The following NFATC3 variants were observed in gnomAD, a reference collection of about 807,000 sequenced individuals.
NFATC3 encodes the protein nuclear factor of activated T cells 3.
Under a neutral mutation model 98.6 loss-of-function variants are expected in NFATC3, and 46 were observed. That is an observed-to-expected ratio of 0.47 (90% CI 0.37 to 0.60). NFATC3 has a LOEUF of 0.60. Ranked by LOEUF, NFATC3 falls within the 20% of genes least tolerant of loss-of-function variation. The pLI, the probability that NFATC3 is intolerant of heterozygous loss-of-function variation, is 0.00. For synonymous variants in NFATC3, 512 were observed against 472.2 expected (o/e 1.08, Z -1.09); for missense variants, 1,256 against 1,295.5 (o/e 0.97, Z 0.47).
At chr16:68,152,663 A>G (rs1169122202) in intron 3 of NFATC3, among the ~76,000 whole-genome samples, 2 of 152,166 alleles carry the variant, frequency 1.3e-5, no homozygotes, top group East Asian at 3.8e-4. Flanking sequence ...CTACAGGTGC[A>G]TGCCTTCACG....
At chr16:68,196,180 C>T (rs1435718045) in intron 9 of NFATC3, among the ~76,000 whole-genome samples, 4 of 151,958 alleles carry the variant, frequency 2.6e-5, no homozygotes, top group East Asian at 3.9e-4. Flanking sequence ...AGTGCAGTGG[C>T]GCAATCACAG....
chr16:68,222,891 C>A lies in NFATC3; in HGVS notation c.3107-3459C>A, dbSNP rs2041919981. ...GCCATCCTTGTGCTCCCTCTTAGCA[C>A]AAGACTAGCTCGTAGAACCCCCAGA... On this transcript the variant is annotated intron_variant, in intron 9 of 9. Transcript: ENST00000346183. 2.0e-5 allele frequency among the ~76,000 whole-genome samples: 3 copies of A among 152,288 alleles called. No homozygotes were observed. In the South Asian group the frequency reaches 6.2e-4, roughly 32 times the overall value.
At chr16:68,121,733 A>T (rs1467791654) in intron 1 of NFATC3, among the ~76,000 whole-genome samples, 1 of 152,082 alleles carries the variant, frequency 6.6e-6, no homozygotes, top group Non-Finnish European at 1.5e-5. Flanking sequence ...TTTTTAGAAA[A>T]TGTGGACATA....
At chr16:68,146,472 G>T (rs957514464) in intron 3 of NFATC3, among the ~76,000 whole-genome samples, 34 of 151,924 alleles carry the variant, frequency 2.2e-4, no homozygotes, top group African/African-American at 8.0e-4. Context: ...TTTTATTAAG[G>T]TATACATATT....
intron 9 of NFATC3, chr16:68,209,788 C>G (rs1259003482): frequency 1.2e-5 from 5 of 427,196 alleles, no homozygotes; most frequent in Non-Finnish European, 1.8e-5. Context: ...TGAAGTACTT[C>G]AAATGCAAGA....
intron 1 of NFATC3, among the ~76,000 whole-genome samples, chr16:68,087,481 C>G (rs934631156): frequency 6.6e-6 from 1 of 152,134 alleles, no homozygotes; most frequent in Non-Finnish European, 1.5e-5. Flanking sequence ...AGGTAAACAT[C>G]AGCAGTTTTA....
Position 68,146,922 on chromosome 16 carries a change from A to G in NFATC3, c.1402-10947A>G, listed in dbSNP as rs193099474. On this transcript the variant is annotated intron_variant, in intron 3 of 9. Transcript: ENST00000346183. ...TAGTAATTTATTTATTGCCTACAAC[A>G]TAAATGCTTCTCTGGAAATCAGATG... 4.6e-5 allele frequency among the ~76,000 whole-genome samples: 7 copies of G among 152,400 alleles called. No individual in the cohort carries two copies. The East Asian group carries it at 1.3e-3, about 29-fold the overall frequency.
intron 1 of NFATC3, among the ~76,000 whole-genome samples, chr16:68,090,423 A>T: frequency 6.6e-6 from 1 of 151,878 alleles, no homozygotes; most frequent in East Asian, 1.9e-4. Flanking sequence ...ACATTGAGAG[A>T]TAGTAGGGCA....
intron 6 of NFATC3, 82 bp from the exon 7 acceptor site, chr16:68,181,393 G>A (rs2039944082): frequency 1.1e-6 from 1 of 914,048 alleles, no homozygotes; most frequent in East Asian, 2.5e-5. Context: ...TAATAAATTT[G>A]TGATACTATC....
chr16:68,132,650 T>C (rs552970419), intron 3 of NFATC3, among the ~76,000 whole-genome samples: 1 of 152,160 alleles, frequency 6.6e-6, no homozygotes, highest in South Asian at 2.1e-4. Flanking sequence ...ATAAAGAAAA[T>C]GTGACATATA....
intron 9 of NFATC3, among the ~76,000 whole-genome samples, chr16:68,222,289 C>CCA (rs1372339245): frequency 1.4e-3 from 36 of 26,416 alleles, no homozygotes; most frequent in African/African-American, 3.3e-3. Context: ...ACCCCATTGC[C>CCA]AAAAAAAAAA....
At chr16:68,214,907 G>A (rs1374171625) in intron 9 of NFATC3, among the ~76,000 whole-genome samples, 2 of 152,112 alleles carry the variant, frequency 1.3e-5, no homozygotes, top group Non-Finnish European at 2.9e-5. Flanking sequence ...GTAGTCCTCT[G>A]GGGCTCTACT....
chr16:68,089,177 T>G (rs2034565325), intron 1 of NFATC3: 2 of 985,190 alleles, frequency 2.0e-6, no homozygotes, highest in Admixed American at 6.2e-5. Context: ...TTCCATACAG[T>G]GAGAAGATTT....
At chr16:68,098,498 C>T (rs1169261853) in intron 1 of NFATC3, among the ~76,000 whole-genome samples, 2 of 152,024 alleles carry the variant, frequency 1.3e-5, no homozygotes, top group East Asian at 1.9e-4. Flanking sequence ...GACAGAGTTT[C>T]ACCATGTTGA....
chr16:68,086,677 A>G lies in NFATC3; in HGVS notation c.103+893A>G, dbSNP rs79744836. Reference sequence around the variant, plus strand: ...AAGGAAATGGATAAGAGTAATCCCTATTTTTTCTTGCCTGGTATGAGGTGA... The same window carrying G: ...AAGGAAATGGATAAGAGTAATCCCTGTTTTTTCTTGCCTGGTATGAGGTGA... On this transcript the variant is annotated intron_variant, in intron 1 of 9. Coordinates refer to ENST00000346183, the MANE Select transcript of NFATC3 (RefSeq NM_173165.3). 2.7e-3 allele frequency: 2,659 copies of G among 985,164 alleles called. 5 individuals are homozygous for G. Among genetic ancestry groups the G allele is most frequent in the South Asian group, 3.8e-3 (80 of 21,276 alleles). The allele number at this position is 985,164 out of a possible 1,614,324, so 61.0% of individuals were successfully genotyped here.
At chr16:68,182,423 A>G (rs1466610765) in intron 7 of NFATC3, among the ~76,000 whole-genome samples, 2 of 152,184 alleles carry the variant, frequency 1.3e-5, no homozygotes, top group African/African-American at 4.8e-5. Flanking sequence ...GTTTGGGGCT[A>G]AAGATTTTCA....
At chr16:68,225,943 C>T in intron 9 of NFATC3, 1 of 153,926 alleles carries the variant, frequency 6.5e-6, no homozygotes, top group Non-Finnish European at 1.4e-5. Context: ...GATACAGTAG[C>T]AAAATCACCC....
intron 2 of NFATC3, among the ~76,000 whole-genome samples, chr16:68,123,914 A>G (rs1175565927): frequency 6.6e-6 from 1 of 151,732 alleles, no homozygotes; most frequent in African/African-American, 2.4e-5. Context: ...GAGATGGGAG[A>G]TGGAGGCTGC....
At position 68,087,529 on chromosome 16, in the gene NFATC3, G is replaced by A. The variant is rs186111792; in HGVS notation, c.103+1745G>A. On this transcript the variant is annotated intron_variant, in intron 1 of 9. Coordinates refer to ENST00000346183, the MANE Select transcript of NFATC3 (RefSeq NM_173165.3). ...AGTCCACTTTAAAATATTTTAAGCA[G>A]GTAATTTTTTTTAAAGTTTTTTTAA... 1.6e-3 allele frequency among the ~76,000 whole-genome samples: 241 copies of A among 152,154 alleles called. 2 individuals carry two copies. The highest frequency in any genetic ancestry group is 5.1e-3 in the African/African-American group (212 of 41,492).
Sources: gnomAD v4.1 joint callset for allele counts (sites outside exome capture counted in the v4.1 genomes callset) on GRCh38, gnomAD v4.1.1 for gene constraint, MANE v1.5 for transcripts, NCBI Gene and HGNC (gene_info 2026-07-23, HGNC 2026-07-21) for gene names.